Variants in WNT3 observed in about 807,000 individuals in gnomAD.
The protein encoded by WNT3 is Wnt family member 3, also known as proto-oncogene Wnt-3.
Under a neutral mutation model 34.2 loss-of-function variants are expected in WNT3, and 7 were observed. That is an observed-to-expected ratio of 0.20 (90% confidence interval 0.12 to 0.38). The LOEUF (loss-of-function observed/expected upper bound fraction) is 0.38, where lower values mean the gene tolerates loss of function less well. Among genes scored for constraint, WNT3 ranks in the 10% least tolerant of loss-of-function variants. WNT3 has a pLI of 1.00. For missense variants in WNT3, 267 were observed against 499.8 expected, an observed-to-expected ratio of 0.53 and a Z score of 4.44; for synonymous variants, 212 against 211.5, an observed-to-expected ratio of 1.00 and a Z score of -0.02.
Position 46,788,015 on chromosome 17 carries a change from C to T in WNT3, c.81-14106G>A, listed in dbSNP as rs544422340. Among the ~76,000 whole-genome samples, 78 of 151,234 alleles carry T rather than the reference C, an allele frequency of 5.2e-4. 3 individuals are homozygous for T. The South Asian group carries it at 0.016, about 31-fold the overall frequency. ...CCTCCTCAGTGACCCCACCTCAGTG[C>T]AGGTGACCAGTCAGTTGCAGAGTGT... On this transcript the variant is annotated intron_variant, in intron 1 of 4. Transcript: ENST00000225512.
At chr17:46,765,052 G>C (rs749003554) in intron 4 of WNT3, among the ~76,000 whole-genome samples, 1 of 152,254 alleles carries the variant, frequency 6.6e-6, no homozygotes, top group Non-Finnish European at 1.5e-5. Flanking sequence ...TGTCCAAATG[G>C]GAGAGAGCCT....
At chr17:46,815,333 T>C (rs1367888053) in intron 1 of WNT3, among the ~76,000 whole-genome samples, 1 of 152,182 alleles carries the variant, frequency 6.6e-6, no homozygotes, top group Non-Finnish European at 1.5e-5. Flanking sequence ...CTGAGGCCCC[T>C]TAGAGCTGTC....
chr17:46,793,410 T>A (rs1316442273), intron 1 of WNT3, among the ~76,000 whole-genome samples: 2 of 151,836 alleles, frequency 1.3e-5, no homozygotes, highest in Non-Finnish European at 2.9e-5. Context: ...CGGCCGCTGT[T>A]GGGGTTAACA....
chr17:46,780,706 G>A (rs1048324876), intron 1 of WNT3, among the ~76,000 whole-genome samples: 1 of 152,144 alleles, frequency 6.6e-6, no homozygotes, highest in East Asian at 1.9e-4. Flanking sequence ...GAACCTGGGA[G>A]GCAGAGCTTG....
chr17:46,812,469 G>A (rs2084289438), intron 1 of WNT3, among the ~76,000 whole-genome samples: 1 of 152,118 alleles, frequency 6.6e-6, no homozygotes, highest in Non-Finnish European at 1.5e-5. Flanking sequence ...TGCTCTGGGC[G>A]GCCCTGGTGC....
rs749719578 is a variant in WNT3 at position 46,779,103 on chromosome 17, A to ACACACCCCCCC, written c.81-5195_81-5194insGGGGGGGTGTG. On this transcript the variant is annotated intron_variant, in intron 1 of 4. Coordinates refer to ENST00000225512, the MANE Select transcript of WNT3 (RefSeq NM_030753.5). ...CACACACACACACACACACACACAC[A>ACACACCCCCCC]CCCCAGCCCACTCGGCCTTCCAAAG... Among the ~76,000 whole-genome samples, 8 of 133,650 alleles carry ACACACCCCCCC rather than the reference A, an allele frequency of 6.0e-5. No individual in the cohort carries two copies. In the East Asian group the frequency reaches 7.7e-4, roughly 13 times the overall value. The allele number at this position is 133,650 out of a possible 152,430, so 87.7% of individuals were successfully genotyped here.
intron 1 of WNT3, among the ~76,000 whole-genome samples, chr17:46,791,309 G>T (rs1342133939): frequency 6.6e-6 from 1 of 151,958 alleles, no homozygotes; most frequent in Non-Finnish European, 1.5e-5. Context: ...CGTCTTCCAG[G>T]TTCAAGCGAT....
intron 1 of WNT3, among the ~76,000 whole-genome samples, chr17:46,791,294 A>C (rs565908515): frequency 3.9e-4 from 59 of 151,084 alleles, no homozygotes; most frequent in African/African-American, 1.4e-3. Flanking sequence ...GCTCACTGCA[A>C]CCTCCGTCTT....
At chr17:46,785,878 TG>T (rs1334276818) in intron 1 of WNT3, among the ~76,000 whole-genome samples, 1 of 152,146 alleles carries the variant, frequency 6.6e-6, no homozygotes, top group Non-Finnish European at 1.5e-5. Context: ...GGCGGGGCAG[TG>T]CCTGGGCTGG....
chr17:46,812,014 G>T (rs549797047), intron 1 of WNT3, among the ~76,000 whole-genome samples: 5 of 152,230 alleles, frequency 3.3e-5, no homozygotes, highest in African/African-American at 7.2e-5. Context: ...TAGCTATTCC[G>T]CTGCCCAGAA....
intron 2 of WNT3, among the ~76,000 whole-genome samples, chr17:46,773,128 C>T (rs1331778425): frequency 1.3e-5 from 2 of 152,102 alleles, no homozygotes; most frequent in African/African-American, 2.4e-5. Flanking sequence ...GCAAGACGGC[C>T]GGAAAGTTAC....
chr17:46,806,067 T>G (rs1458215432), intron 1 of WNT3, among the ~76,000 whole-genome samples: 1 of 152,198 alleles, frequency 6.6e-6, no homozygotes, highest in Admixed American at 6.5e-5. Flanking sequence ...GTTTCCTCAA[T>G]GTATGTGATA....
At chr17:46,809,636 C>T (rs973053872) in intron 1 of WNT3, among the ~76,000 whole-genome samples, 2 of 152,198 alleles carry the variant, frequency 1.3e-5, no homozygotes, top group African/African-American at 2.4e-5. Flanking sequence ...CCTTTGCCCT[C>T]GCCCCCCTCA....
At chr17:46,805,398 TC>T (rs1319065504) in intron 1 of WNT3, among the ~76,000 whole-genome samples, 3 of 151,828 alleles carry the variant, frequency 2.0e-5, no homozygotes, top group Admixed American at 6.6e-5. Flanking sequence ...CATGGTGAAA[TC>T]CCATCTCTAC....
At chr17:46,792,522 G>A (rs1422580121) in intron 1 of WNT3, among the ~76,000 whole-genome samples, 1 of 152,122 alleles carries the variant, frequency 6.6e-6, no homozygotes, top group East Asian at 1.9e-4. Flanking sequence ...CACCCAGGCT[G>A]GAGTGCAATG....
At chr17:46,771,381 C>A (rs962054311) in intron 2 of WNT3, among the ~76,000 whole-genome samples, 1 of 151,568 alleles carries the variant, frequency 6.6e-6, no homozygotes, top group Non-Finnish European at 1.5e-5. Context: ...GAAGAGGGGC[C>A]GAGGGCGGGT....
intron 1 of WNT3, among the ~76,000 whole-genome samples, chr17:46,786,483 A>C (rs1298598980): frequency 6.6e-6 from 1 of 152,218 alleles, no homozygotes; most frequent in Non-Finnish European, 1.5e-5. Context: ...CTCACTCTTC[A>C]GACCCCAGAG....
At chr17:46,814,640 A>T (rs2084317946) in intron 1 of WNT3, among the ~76,000 whole-genome samples, 1 of 152,172 alleles carries the variant, frequency 6.6e-6, no homozygotes, top group African/African-American at 2.4e-5. Flanking sequence ...GCTCCTCACC[A>T]GCCCCAGCCA....
At position 46,763,240 on chromosome 17, in the gene WNT3, G is replaced by A. The variant is rs901483241; in HGVS notation, c.*1390C>T. ...ATCTCTTCTTTCTGATTCTCCCTAA[G>A]ACAGTTGTTGAACCAATTCATACTG... On this transcript the variant is annotated 3_prime_UTR_variant, in exon 5 of 5. Transcript: ENST00000225512. The A allele has an allele frequency of 6.6e-6, 1 of 152,210 alleles. No homozygotes were observed. Among genetic ancestry groups the A allele is most frequent in the African/African-American group, 2.4e-5 (1 of 41,432 alleles). 9.4% of individuals were successfully genotyped at this position (152,210 alleles called of 1,614,324 possible).
Sources: gnomAD v4.1 joint callset for allele counts (sites outside exome capture counted in the v4.1 genomes callset) on GRCh38, gnomAD v4.1.1 for gene constraint, MANE v1.5 for transcripts, NCBI Gene and HGNC (gene_info 2026-07-23, HGNC 2026-07-21) for gene names.